The following EIF2B3 variants were observed in gnomAD, a reference collection of about 807,000 sequenced individuals.
EIF2B3 encodes the protein translation initiation factor eIF2B subunit gamma.
In EIF2B3, 20 loss-of-function variants were observed where a neutral mutation model predicts 54.1. The ratio of observed to expected loss-of-function variants is 0.37; its 90% CI spans 0.26 to 0.54. The LOEUF (loss-of-function observed/expected upper bound fraction) is 0.54. EIF2B3 is among the 20% of genes least tolerant of loss of function. EIF2B3 has a pLI of 0.86. For synonymous variants in EIF2B3, 153 were observed against 188.1 expected, an observed-to-expected ratio of 0.81 and a Z score of 1.52; for missense variants, 448 against 547.8, an observed-to-expected ratio of 0.82 and a Z score of 1.82.
At chr1:44,871,721 G>C (rs1026918934) in intron 10 of EIF2B3, among the ~76,000 whole-genome samples, 5 of 152,166 alleles carry the variant, frequency 3.3e-5, no homozygotes, top group African/African-American at 1.2e-4. Context: ...TGTTATGAGG[G>C]AAATGAAACA....
intron 5 of EIF2B3, among the ~76,000 whole-genome samples, chr1:44,925,924 C>CA (rs1198057664): frequency 5.6e-5 from 8 of 141,906 alleles, no homozygotes; most frequent in Non-Finnish European, 9.3e-5. Context: ...ACTCCCTCTC[C>CA]AAAAAAAAAG....
Position 44,881,738 on chromosome 1 carries a change from A to C in EIF2B3, c.658T>G (p.Ser220Ala). 6.2e-7 allele frequency: 1 copy of C among 1,614,032 alleles called. No homozygotes were observed. Among genetic ancestry groups the C allele is most frequent in the Non-Finnish European group, 8.5e-7 (1 of 1,179,930 alleles). ...AGTTCACTCCGGATAGAAGTTATTG[A>C]CCTAGAAAGAAAGAATGGCCAAATA... ...YIVDFLMENG[S>A]ITSIRSELIP... The change falls in exon 7 of 12, where the codon TCA becomes GCA. Residue 220 changes from serine (S) to alanine (A), a missense_variant and splice_region_variant. Coordinates refer to ENST00000360403, the MANE Select transcript of EIF2B3 (RefSeq NM_020365.5). The surrounding 1 kb of genome is among the most constrained non-coding windows in gnomAD (Gnocchi z 4.0).
intron 5 of EIF2B3, among the ~76,000 whole-genome samples, chr1:44,903,554 G>A (rs765529143): frequency 3.8e-4 from 58 of 152,334 alleles, no homozygotes; most frequent in Middle Eastern, 6.8e-3. Flanking sequence ...ACAATGCTTA[G>A]TTCCTAGAAG....
intron 8 of EIF2B3, among the ~76,000 whole-genome samples, chr1:44,877,940 T>C (rs1180834371): frequency 2.0e-5 from 3 of 152,322 alleles, no homozygotes; most frequent in East Asian, 1.9e-4. Flanking sequence ...GTCTGCTGCA[T>C]AGTCCCTGTT....
chr1:44,875,640 G>C lies in EIF2B3; in HGVS notation c.1031C>G (p.Ala344Gly). 3.1e-6 allele frequency: 5 copies of C among 1,614,180 alleles called. No homozygotes were observed. Among genetic ancestry groups the C allele is most frequent in the Non-Finnish European group, 4.2e-6 (5 of 1,180,030 alleles). The change falls in exon 9 of 12, where the codon GCC becomes GGC. Residue 344 changes from alanine to glycine, a missense_variant. Transcript: ENST00000360403. ...TACCAGGTGTTTGCTGACAATCTGGGCTGACGAATGGACTGGTGGTTCTTC... is the reference window on the plus strand; with the variant it reads ...TACCAGGTGTTTGCTGACAATCTGGCCTGACGAATGGACTGGTGGTTCTTC... ...CPEEPPVHSS[A>G]QIVSKHLVGV...
intron 3 of EIF2B3, among the ~76,000 whole-genome samples, chr1:44,973,905 AAATGTGCTT>A (rs950459550): frequency 2.6e-5 from 4 of 152,152 alleles, no homozygotes; most frequent in African/African-American, 9.7e-5. Flanking sequence ...ACAACATTAT[AAATGTGCTT>A]AATACCACTG....
chr1:44,898,335 A>G (rs555066414), intron 5 of EIF2B3, among the ~76,000 whole-genome samples: 8 of 152,318 alleles, frequency 5.3e-5, no homozygotes, highest in African/African-American at 1.7e-4. Context: ...AACATATAGT[A>G]AAGAAATAGA....
intron 5 of EIF2B3, among the ~76,000 whole-genome samples, chr1:44,906,623 C>T (rs986888298): frequency 4.6e-5 from 7 of 152,180 alleles, no homozygotes; most frequent in Non-Finnish European, 8.8e-5. Context: ...TGGTCTTGAA[C>T]TCCTGACCTC....
chr1:44,894,839 T>G (rs965048845), intron 6 of EIF2B3, among the ~76,000 whole-genome samples: 3 of 152,194 alleles, frequency 2.0e-5, no homozygotes, highest in African/African-American at 7.2e-5. Context: ...GTATCATTGC[T>G]CATTTCCTGT....
At chr1:44,980,809 A>G (rs368782608) in intron 2 of EIF2B3, among the ~76,000 whole-genome samples, 1 of 152,114 alleles carries the variant, frequency 6.6e-6, no homozygotes, top group East Asian at 1.9e-4. Flanking sequence ...GTCTTGGATC[A>G]TTGTGGACAT....
chr1:44,945,849 C>G (rs1644095952), intron 3 of EIF2B3, among the ~76,000 whole-genome samples: 2 of 152,082 alleles, frequency 1.3e-5, no homozygotes, highest in South Asian at 4.1e-4. Context: ...TTCTAAGTTT[C>G]TCTAATAAGA....
At chr1:44,906,835 T>G (rs554535751) in intron 5 of EIF2B3, among the ~76,000 whole-genome samples, 69 of 152,346 alleles carry the variant, frequency 4.5e-4, no homozygotes, top group African/African-American at 1.7e-3. Context: ...GCTTACAAAT[T>G]TATATCTGAA....
At position 44,857,790 on chromosome 1, in the gene EIF2B3, C is replaced by T. The variant is rs1654485157; in HGVS notation, c.1220G>A (p.Ser407Asn). 1 of 1,614,006 alleles carries T rather than the reference C, an allele frequency of 6.2e-7. No homozygotes were observed. The highest frequency in any genetic ancestry group is 1.3e-5 in the African/African-American group (1 of 74,914). ...GATCACAGCATTGTTGCAGATGACA[C>T]TGCCTTGGATATTGCTTCTGTAACA... ...TVEEGSNIQG[S>N]VICNNAVIEK... The change falls in exon 11 of 12, where the codon AGT (serine) becomes AAT (asparagine). Residue 407 changes from serine to asparagine, a missense_variant. By Grantham distance (46) the Ser-to-Asn change is conservative. Coordinates refer to ENST00000360403, the MANE Select transcript of EIF2B3 (RefSeq NM_020365.5).
intron 2 of EIF2B3, among the ~76,000 whole-genome samples, chr1:44,980,679 A>T (rs1644502628): frequency 6.6e-6 from 1 of 152,096 alleles, no homozygotes; most frequent in South Asian, 2.1e-4. Flanking sequence ...TTTAAAACAT[A>T]TATATATTGA....
At chr1:44,982,912 A>G (rs1031878500) in intron 1 of EIF2B3, among the ~76,000 whole-genome samples, 40 of 152,028 alleles carry the variant, frequency 2.6e-4, no homozygotes, top group African/African-American at 9.4e-4. Flanking sequence ...ATAGGCATGC[A>G]CCACCACGCC....
At chr1:44,869,517 C>T (rs1242537291) in intron 10 of EIF2B3, among the ~76,000 whole-genome samples, 1 of 147,910 alleles carries the variant, frequency 6.8e-6, no homozygotes, top group Non-Finnish European at 1.5e-5. Context: ...TAATTTAGTA[C>T]TCCCAATAAA....
Position 44,934,051 on chromosome 1 carries a change from G to A in EIF2B3, c.455-7312C>T, listed in dbSNP as rs186225390. Among the ~76,000 whole-genome samples the A allele has an allele frequency of 1.8e-3, 279 of 151,406 alleles. 2 individuals are homozygous for A. The Middle Eastern group carries it at 0.024, about 13-fold the overall frequency. On this transcript the variant is annotated intron_variant, in intron 4 of 11. Transcript: ENST00000360403. ...GCAAGAGAATCACTTGAATCCAGGA[G>A]GTGGAGGTTGCGGTGAGCCAAGATC...
chr1:44,852,113 TA>T (rs199796778), intron 11 of EIF2B3, among the ~76,000 whole-genome samples: 2 of 146,124 alleles, frequency 1.4e-5, no homozygotes, highest in East Asian at 5.7e-4. Context: ...CACACATGGC[TA>T]ATTTTTTTTT....
In EIF2B3 at chr1:44,881,859, CAGAGATCA is replaced by C; in HGVS notation, c.657-128_657-121del. 1 of 1,366,968 alleles carries C rather than the reference CAGAGATCA, an allele frequency of 7.3e-7. No homozygotes were observed. Among genetic ancestry groups the C allele is most frequent in the Non-Finnish European group, 1.0e-6 (1 of 983,112 alleles). The allele number at this position is 1,366,968 out of a possible 1,614,324, so 84.7% of individuals were successfully genotyped here. On this transcript the variant is annotated intron_variant, in intron 6 of 11. Coordinates refer to ENST00000360403, the MANE Select transcript of EIF2B3 (RefSeq NM_020365.5). This position sits in a 1 kb window ranked among gnomAD's most constrained non-coding sequence, Gnocchi z 4.0. ...TCCTGTCATGGCACCTTGGGACTGT[CAGAGATCA>C]AATGTGGCATTGACTTGGCAGTTCG... is the stretch of plus-strand genomic sequence containing the variant.
Sources: allele counts gnomAD v4.1 joint callset (sites outside exome capture counted in the v4.1 genomes callset), GRCh38; gene constraint gnomAD v4.1.1; non-coding constraint Gnocchi (gnomAD v3.1); transcripts MANE v1.5; gene names NCBI Gene and HGNC (gene_info 2026-07-23, HGNC 2026-07-21).